RYR2: variants seen among roughly 807,000 people sequenced by gnomAD.
RYR2 encodes ryanodine receptor 2, also known as cardiac muscle ryanodine receptor-calcium release channel.
In RYR2, 227 loss-of-function variants were observed where a neutral mutation model predicts 601.1. The observed-to-expected ratio is 0.38, with a 90% CI of 0.34 to 0.42. The LOEUF is 0.42. Ranked by LOEUF, RYR2 falls within the 10% of genes least tolerant of loss-of-function variation. The pLI, the probability that RYR2 is intolerant of heterozygous loss-of-function variation, is 1.00. For missense variants in RYR2, 4,646 were observed against 6,156.5 expected (o/e 0.75, Z 8.21); for synonymous variants, 2,223 against 2,175.1 (o/e 1.02, Z -0.61).
At chr1:237,093,855 C>T (rs1473504980) in intron 1 of RYR2, among the ~76,000 whole-genome samples, 1 of 152,204 alleles carries the variant, frequency 6.6e-6, no homozygotes. Flanking sequence ...TCTCACGCTG[C>T]TGTGAATTAG....
At chr1:237,787,273 A>G (rs1463603013) in intron 91 of RYR2, among the ~76,000 whole-genome samples, 2 of 152,144 alleles carry the variant, frequency 1.3e-5, no homozygotes, top group Non-Finnish European at 2.9e-5. Flanking sequence ...TTAAATCTTA[A>G]TGGAAAATGT....
chr1:237,372,183 G>A lies in RYR2; in HGVS notation c.385-2534G>A, dbSNP rs184752051. Among the ~76,000 whole-genome samples the A allele has an allele frequency of 2.1e-4, 32 of 152,306 alleles. No individual in the cohort carries two copies. The East Asian group carries it at 6.2e-3, about 29-fold the overall frequency. On this transcript the variant is annotated intron_variant, in intron 6 of 104. Transcript: ENST00000366574. ...GAAATTCAAAAGTATAGGATGAGAA[G>A]TATAGGAAATACATGGACGTGATTT...
chr1:237,161,353 G>T (rs1337800), intron 1 of RYR2, among the ~76,000 whole-genome samples: 84,604 of 148,728 alleles, frequency 0.57, 24,894 homozygotes, highest in Non-Finnish European at 0.65. Flanking sequence ...AGAAAATTTT[G>T]GGGGAAAAAA....
intron 12 of RYR2, among the ~76,000 whole-genome samples, chr1:237,438,676 T>C (rs1344040440): frequency 6.6e-6 from 1 of 152,246 alleles, no homozygotes; most frequent in Non-Finnish European, 1.5e-5. Context: ...TTGTTGCTTG[T>C]GGTCCCTGAA....
chr1:237,726,591 A>G (rs1357173524), intron 75 of RYR2, among the ~76,000 whole-genome samples: 4 of 152,106 alleles, frequency 2.6e-5, no homozygotes, highest in Non-Finnish European at 5.9e-5. Context: ...GTATTAAAGA[A>G]TAGTAGAATT....
intron 52 of RYR2, 99 bp from the exon 53 acceptor site, chr1:237,655,722 A>G (rs1279824837): frequency 9.0e-7 from 1 of 1,108,622 alleles, no homozygotes; most frequent in Non-Finnish European, 1.3e-6. Flanking sequence ...GTCCAGGGTA[A>G]TTCAGATTTT....
chr1:237,345,516 C>T (rs1257442267), intron 3 of RYR2, among the ~76,000 whole-genome samples: 1 of 150,434 alleles, frequency 6.6e-6, no homozygotes, highest in Non-Finnish European at 1.5e-5. Flanking sequence ...TGTACATATC[C>T]TGAGGATTTG....
intron 100 of RYR2, among the ~76,000 whole-genome samples, chr1:237,809,507 C>T (rs200210059): frequency 1.3e-5 from 2 of 152,198 alleles, no homozygotes; most frequent in East Asian, 1.9e-4. Flanking sequence ...TTTCAAAAAT[C>T]AACAGCTGTT....
intron 1 of RYR2, among the ~76,000 whole-genome samples, chr1:237,221,500 G>A (rs868408306): frequency 7.9e-5 from 12 of 152,262 alleles, no homozygotes; most frequent in Non-Finnish European, 1.2e-4. Context: ...AAGATTATTG[G>A]GAAAGATTTA....
chr1:237,133,942 C>T (rs1336593305), intron 1 of RYR2, among the ~76,000 whole-genome samples: 1 of 67,398 alleles, frequency 1.5e-5, no homozygotes, highest in Non-Finnish European at 3.6e-5. Flanking sequence ...AAAAAAAAAC[C>T]AAGTGGGAGT....
chr1:237,364,245 T>G (rs1231383466), intron 4 of RYR2, 113 bp from the exon 5 acceptor site: 1 of 896,488 alleles, frequency 1.1e-6, no homozygotes, highest in African/African-American at 1.7e-5. Context: ...TGTTTATTGT[T>G]TACATAGCTC....
intron 1 of RYR2, among the ~76,000 whole-genome samples, chr1:237,148,531 T>TATATATATATATATACACAC (rs1558319962): frequency 3.0e-4 from 23 of 77,566 alleles, no homozygotes; most frequent in African/African-American, 1.4e-3. Flanking sequence ...AAAAAAAATA[T>TATATATATATATATACACAC]ATATATATAT....
rs755391421 is a variant in RYR2 at position 237,490,827 on chromosome 1, C to T, written c.1709-979C>T. On this transcript the variant is annotated intron_variant, in intron 17 of 104. Transcript: ENST00000366574. ...AGAATTGCCTCTGTATTCTATGATA[C>T]CTTTGTAAATGTAAAACTTTGTATT... 4.6e-5 allele frequency among the ~76,000 whole-genome samples: 7 copies of T among 152,154 alleles called. No individual in the cohort carries two copies. In the South Asian group the frequency reaches 6.2e-4, roughly 14 times the overall value.
intron 1 of RYR2, among the ~76,000 whole-genome samples, chr1:237,080,068 C>G (rs1288323117): frequency 1.8e-4 from 15 of 84,430 alleles, no homozygotes; most frequent in Non-Finnish European, 2.3e-5. Context: ...GGAAAACTGG[C>G]TAGTCATATG....
At chr1:237,786,821 T>G (rs1307474452) in intron 91 of RYR2, among the ~76,000 whole-genome samples, 1 of 152,232 alleles carries the variant, frequency 6.6e-6, no homozygotes, top group Non-Finnish European at 1.5e-5. Context: ...TCCTCTATTC[T>G]GTTATTTTCT....
In RYR2 at chr1:237,105,834, C is replaced by CA. The variant is rs34759459; in HGVS notation, c.48+63289dup. Among the ~76,000 whole-genome samples, 842 of 86,304 alleles carry CA rather than the reference C, an allele frequency of 9.8e-3. 6 individuals are homozygous for CA. The highest frequency in any genetic ancestry group is 0.026 in the South Asian group (60 of 2,330). 56.6% of individuals were successfully genotyped at this position (86,304 alleles called of 152,430 possible). A position where few individuals can be genotyped will look rare whatever the true frequency, so the allele number is the denominator to read the frequency against. On this transcript the variant is annotated intron_variant, in intron 1 of 104. Coordinates refer to ENST00000366574, the MANE Select transcript of RYR2 (RefSeq NM_001035.3). ...TGGGCGACAAAGCGAGACTCTGTCT[C>CA]AAAAAAAAAAAAAAAAAAAAAAAAT...
chr1:237,255,423 T>G (rs1313093671), intron 1 of RYR2, among the ~76,000 whole-genome samples: 2 of 152,242 alleles, frequency 1.3e-5, no homozygotes, highest in African/African-American at 2.4e-5. Flanking sequence ...CCAAGCCATT[T>G]TAGGCTCTTC....
chr1:237,814,815 G>GA (rs918617225), intron 100 of RYR2, among the ~76,000 whole-genome samples: 1 of 151,928 alleles, frequency 6.6e-6, no homozygotes, highest in African/African-American at 2.4e-5. Flanking sequence ...TGCACTTTGG[G>GA]AAAAATAGCT....
At position 237,700,210 on chromosome 1, in the gene RYR2, TC is replaced by T. The variant is rs1573577832; in HGVS notation, c.9129-16del. ...TGTTCCTGTTGGAAGATACGAGTCC[TC>T]CCTTATTTACTTTCTAGGACAGTGA... On this transcript the variant is annotated intron_variant, in intron 64 of 104. Coordinates refer to ENST00000366574, the MANE Select transcript of RYR2 (RefSeq NM_001035.3). 1 of 1,373,634 alleles carries T rather than the reference TC, an allele frequency of 7.3e-7. No individual in the cohort carries two copies. Among genetic ancestry groups the T allele is most frequent in the Non-Finnish European group, 1.0e-6 (1 of 987,580 alleles). The allele number at this position is 1,373,634 out of a possible 1,614,324, so 85.1% of individuals were successfully genotyped here. A position where few individuals can be genotyped will look rare whatever the true frequency, so the allele number is the denominator to read the frequency against.
Sources: allele counts gnomAD v4.1 joint callset (sites outside exome capture counted in the v4.1 genomes callset), GRCh38; gene constraint gnomAD v4.1.1; transcripts MANE v1.5; gene names NCBI Gene and HGNC (gene_info 2026-07-23, HGNC 2026-07-21).